The following RGS6 variants were observed in gnomAD, a reference collection of about 807,000 sequenced individuals.
RGS6 encodes regulator of G-protein signaling 6.
A neutral mutation model predicts 78.5 loss-of-function variants in RGS6; 30 were observed. The ratio of observed to expected loss-of-function variants is 0.38; its 90% CI spans 0.29 to 0.52. The LOEUF (loss-of-function observed/expected upper bound fraction) is 0.52. Ranked by LOEUF, RGS6 falls within the 20% of genes least tolerant of loss-of-function variation. The pLI is 0.85. For synonymous variants in RGS6, 206 were observed against 206.0 expected (o/e 1.00, Z 0.00); for missense variants, 495 against 609.7 (o/e 0.81, Z 1.98).
the RGS6 span, among the ~76,000 whole-genome samples, chr14:72,616,165 A>G: frequency 6.6e-6 from 1 of 152,178 alleles, no homozygotes; most frequent in Non-Finnish European, 1.5e-5. Flanking sequence ...TCCCCACCTT[A>G]CAGACATGTG....
Position 72,088,696 on chromosome 14 carries a change from G to A in RGS6, c.84+123821G>A, listed in dbSNP as rs573020892. On this transcript the variant is annotated intron_variant, in intron 2 of 17. Transcript: ENST00000553525. ...TCTCCTGCTTAAAAATCCCCCCGTCGTTTCCCGTTGCTCTTAGAACAACAT... is the reference window on the plus strand; with the variant it reads ...TCTCCTGCTTAAAAATCCCCCCGTCATTTCCCGTTGCTCTTAGAACAACAT... Among the ~76,000 whole-genome samples the A allele has an allele frequency of 3.6e-4, 55 of 151,954 alleles. 1 individual carries two copies. The South Asian group carries it at 3.7e-3, about 10-fold the overall frequency.
chr14:72,040,380 C>T (rs960742394), intron 2 of RGS6, among the ~76,000 whole-genome samples: 4 of 151,376 alleles, frequency 2.6e-5, no homozygotes, highest in African/African-American at 9.7e-5. Flanking sequence ...GCTTTTTTGG[C>T]CATGGTATTT....
intron 3 of RGS6, among the ~76,000 whole-genome samples, chr14:72,410,679 T>C (rs934527790): frequency 2.6e-5 from 4 of 152,218 alleles, no homozygotes; most frequent in Non-Finnish European, 5.9e-5. Flanking sequence ...CTAGGTTTTC[T>C]TGTAGGGTTT....
intron 2 of RGS6, among the ~76,000 whole-genome samples, chr14:72,154,569 G>A (rs1221299636): frequency 2.0e-5 from 3 of 152,156 alleles, no homozygotes; most frequent in African/African-American, 4.8e-5. Flanking sequence ...GCAGTAGTTT[G>A]TGTTCACAGT....
At chr14:72,501,353 T>G (rs2096723113) in intron 13 of RGS6, among the ~76,000 whole-genome samples, 1 of 152,050 alleles carries the variant, frequency 6.6e-6, no homozygotes, top group South Asian at 2.1e-4. Flanking sequence ...TCAGACAAGC[T>G]ATTCGATCTG....
At chr14:72,383,193 T>TATATATATATATATATATACAC (rs2086728427) in intron 3 of RGS6, among the ~76,000 whole-genome samples, 1 of 111,502 alleles carries the variant, frequency 9.0e-6, no homozygotes, top group Non-Finnish European at 1.8e-5. Flanking sequence ...TATATATATA[T>TATATATATATATATATATACAC]ATATATATAT....
At chr14:72,319,563 G>C (rs1304472014) in intron 2 of RGS6, among the ~76,000 whole-genome samples, 1 of 151,710 alleles carries the variant, frequency 6.6e-6, no homozygotes, top group South Asian at 2.1e-4. Flanking sequence ...CTATGGTCTC[G>C]ATCTCCTGAC....
At chr14:72,495,522 AT>A (rs2096633797) in intron 13 of RGS6, among the ~76,000 whole-genome samples, 1 of 151,990 alleles carries the variant, frequency 6.6e-6, no homozygotes, top group African/African-American at 2.4e-5. Flanking sequence ...CCTAGTTCTG[AT>A]TGCTGGAAGA....
At chr14:72,319,898 C>T (rs577309604) in intron 2 of RGS6, among the ~76,000 whole-genome samples, 6 of 152,198 alleles carry the variant, frequency 3.9e-5, no homozygotes, top group East Asian at 3.9e-4. Flanking sequence ...TATAATTCTA[C>T]GTAACTTTCA....
intron 2 of RGS6, among the ~76,000 whole-genome samples, chr14:72,119,259 T>A (rs184315057): frequency 3.9e-5 from 6 of 152,282 alleles, no homozygotes; most frequent in African/African-American, 7.2e-5. Flanking sequence ...TTTAACACAG[T>A]TGAAGATAGC....
chr14:72,198,967 C>T (rs1413243388), intron 2 of RGS6, among the ~76,000 whole-genome samples: 1 of 152,156 alleles, frequency 6.6e-6, no homozygotes, highest in African/African-American at 2.4e-5. Flanking sequence ...TTAAGCAATC[C>T]AGTGTTTATT....
chr14:72,562,031 C>CA (rs1369093859), intron 17 of RGS6, among the ~76,000 whole-genome samples: 2 of 152,242 alleles, frequency 1.3e-5, no homozygotes, highest in Non-Finnish European at 2.9e-5. Flanking sequence ...GATCTCAGAA[C>CA]ACCCCAAGTC....
At chr14:72,560,797 C>CGTGTGTGTGTGTGTGTGTGTGTGTGT (rs57504072) in intron 17 of RGS6, among the ~76,000 whole-genome samples, 2 of 141,224 alleles carry the variant, frequency 1.4e-5, no homozygotes, top group Non-Finnish European at 3.1e-5. Context: ...ATTTTGTGGA[C>CGTGTGTGTGTGTGTGTGTGTGTGTGT]GTGTGTGTGT....
chr14:71,968,104 G>A (rs2093621976), intron 2 of RGS6, among the ~76,000 whole-genome samples: 1 of 152,134 alleles, frequency 6.6e-6, no homozygotes, highest in South Asian at 2.1e-4. Flanking sequence ...AATTATTCAT[G>A]AAGACACCCA....
intron 2 of RGS6, chr14:72,022,366 A>T (rs547700548): frequency 6.6e-6 from 1 of 152,110 alleles, no homozygotes; most frequent in Non-Finnish European, 1.5e-5. Context: ...TGCTTTCCAC[A>T]ATGGTTGAAC....
intron 2 of RGS6, among the ~76,000 whole-genome samples, chr14:72,209,967 A>G (rs1030836068): frequency 2.0e-5 from 3 of 152,204 alleles, no homozygotes; most frequent in African/African-American, 7.2e-5. Flanking sequence ...ATCAAAACTA[A>G]TTATTGCCAT....
At chr14:72,547,450 A>C in intron 17 of RGS6, 2 of 832,094 alleles carry the variant, frequency 2.4e-6, no homozygotes, top group Non-Finnish European at 3.8e-6. Context: ...CCCTTTTAAA[A>C]TAGTGATGAG....
chr14:72,294,758 A>T (rs2064351912), intron 2 of RGS6, among the ~76,000 whole-genome samples: 2 of 151,980 alleles, frequency 1.3e-5, no homozygotes, highest in South Asian at 4.2e-4. Flanking sequence ...ATCTCGTGAG[A>T]ACTCTATCAT....
rs557211029 is a variant in RGS6 at position 72,457,374 on chromosome 14, T to A, written c.236-897T>A. On this transcript the variant is annotated intron_variant, in intron 4 of 17. Transcript: ENST00000553525. ...AAAAATTAGTTTTAACCTGTAACAGTACTTTTGGATTTGTGAAAGATTGTG... is the reference window on the plus strand; with the variant it reads ...AAAAATTAGTTTTAACCTGTAACAGAACTTTTGGATTTGTGAAAGATTGTG... Among the ~76,000 whole-genome samples the A allele has an allele frequency of 7.9e-5, 12 of 152,364 alleles. 1 individual carries two copies. The East Asian group carries it at 2.3e-3, about 29-fold the overall frequency.
Sources: allele counts gnomAD v4.1 joint callset (sites outside exome capture counted in the v4.1 genomes callset), GRCh38; gene constraint gnomAD v4.1.1; transcripts MANE v1.5; gene names NCBI Gene and HGNC (gene_info 2026-07-23, HGNC 2026-07-21).